The following ZNG1B variants were observed in gnomAD, a reference collection of about 807,000 sequenced individuals.
The protein encoded by ZNG1B is zinc-regulated GTPase metalloprotein activator 1B.
At chr2:113,451,019 C>T in the ZNG1B span, among the ~76,000 whole-genome samples, 7 of 152,100 alleles carry the variant, frequency 4.6e-5, no homozygotes, top group Non-Finnish European at 8.8e-5. Flanking sequence ...GGACATCATT[C>T]GACCTCAGAC....
chr2:113,457,490 GT>G, the ZNG1B span, among the ~76,000 whole-genome samples: 1 of 137,990 alleles, frequency 7.2e-6, no homozygotes, highest in East Asian at 2.3e-4. Context: ...TTTTAAGATA[GT>G]TTTTTCTTTT....
chr2:113,467,227 G>C, the ZNG1B span, among the ~76,000 whole-genome samples: 1 of 140,550 alleles, frequency 7.1e-6, no homozygotes, highest in African/African-American at 2.7e-5. Flanking sequence ...TGTAGAAAAA[G>C]GCTCACCTTG....
chr2:113,477,860 A>C, the ZNG1B span, among the ~76,000 whole-genome samples: 1 of 149,874 alleles, frequency 6.7e-6, no homozygotes, highest in African/African-American at 2.5e-5. Context: ...ACCATTCTAC[A>C]CTCTTTCTGT....
chr2:113,437,701 G>A, the ZNG1B span: 1 of 1,502,660 alleles, frequency 6.7e-7, no homozygotes, highest in Non-Finnish European at 9.0e-7. Flanking sequence ...AAGGGACGAG[G>A]CGCTTCTCGT....
the ZNG1B span, among the ~76,000 whole-genome samples, chr2:113,477,341 C>A: frequency 6.6e-6 from 1 of 152,218 alleles, no homozygotes; most frequent in African/African-American, 2.4e-5. Context: ...ACCCCCTGCG[C>A]TTCCCAAGTG....
chr2:113,495,879 A>G, the ZNG1B span: 1 of 805,504 alleles, frequency 1.2e-6, no homozygotes, highest in Non-Finnish European at 1.8e-6. Context: ...CAGCATACAT[A>G]AAATGTAGCA....
At chr2:113,486,979 A>G in the ZNG1B span, among the ~76,000 whole-genome samples, 1 of 131,320 alleles carries the variant, frequency 7.6e-6, no homozygotes, top group Non-Finnish European at 1.6e-5. Flanking sequence ...TAATGAAGAA[A>G]TAAAATAATT....
chr2:113,453,523 G>A, the ZNG1B span, among the ~76,000 whole-genome samples: 2 of 151,140 alleles, frequency 1.3e-5, no homozygotes, highest in Admixed American at 6.6e-5. Flanking sequence ...AAAGTGCTGG[G>A]ATTACAGGCG....
the ZNG1B span, chr2:113,437,768 G>A: frequency 1.8e-5 from 28 of 1,535,320 alleles, no homozygotes; most frequent in South Asian, 2.3e-5. Flanking sequence ...ATGACGTCAG[G>A]CCCCGGGCAG....
the ZNG1B span, among the ~76,000 whole-genome samples, chr2:113,440,489 C>A: frequency 6.6e-6 from 1 of 152,004 alleles, no homozygotes; most frequent in East Asian, 1.9e-4. Flanking sequence ...CCATTCTATA[C>A]TTCATATTTT....
the ZNG1B span, chr2:113,444,289 A>G: frequency 4.6e-6 from 1 of 217,164 alleles, no homozygotes; most frequent in Non-Finnish European, 9.3e-6. Flanking sequence ...AGTCTACCAT[A>G]GACCCTAGAA....
the ZNG1B span, among the ~76,000 whole-genome samples, chr2:113,475,848 C>T: frequency 6.6e-6 from 1 of 152,150 alleles, no homozygotes; most frequent in Non-Finnish European, 1.5e-5. Flanking sequence ...AGAGTTTCTG[C>T]CAAGAGATCC....
chr2:113,466,543 A>G, the ZNG1B span: 4 of 974,952 alleles, frequency 4.1e-6, no homozygotes, highest in South Asian at 1.9e-4. Context: ...GCAAGTGACT[A>G]AAATCTTCCG....
At chr2:113,488,472 C>CA in the ZNG1B span, among the ~76,000 whole-genome samples, 2 of 151,944 alleles carry the variant, frequency 1.3e-5, no homozygotes, top group African/African-American at 2.4e-5. Context: ...TAACACCCCC[C>CA]AAAAAATCAC....
At chr2:113,440,046 G>A in the ZNG1B span, among the ~76,000 whole-genome samples, 2 of 150,430 alleles carry the variant, frequency 1.3e-5, no homozygotes, top group Non-Finnish European at 3.0e-5. Context: ...CACTACGCCC[G>A]GCTAATTTTT....
chr2:113,463,676 A>G, the ZNG1B span, among the ~76,000 whole-genome samples: 2 of 151,854 alleles, frequency 1.3e-5, no homozygotes, highest in Non-Finnish European at 2.9e-5. Context: ...CTTCTTAGGG[A>G]GCTTATTTAC....
the ZNG1B span, among the ~76,000 whole-genome samples, chr2:113,452,670 AT>A: frequency 8.6e-6 from 1 of 115,818 alleles, no homozygotes; most frequent in Non-Finnish European, 1.8e-5. Flanking sequence ...TTACAAGTAA[AT>A]TTTTTTTGGG....
the ZNG1B span, among the ~76,000 whole-genome samples, chr2:113,474,299 T>C: frequency 1.3e-5 from 2 of 150,366 alleles, no homozygotes; most frequent in Admixed American, 6.6e-5. Context: ...TATTCTCTGA[T>C]GGTAGTTTGT....
At chr2:113,473,630 A>C in the ZNG1B span, among the ~76,000 whole-genome samples, 2 of 150,520 alleles carry the variant, frequency 1.3e-5, no homozygotes, top group Non-Finnish European at 3.0e-5. Context: ...GGTTTGTCAT[A>C]GATAGCTCTT....
Sources: allele counts gnomAD v4.1 joint callset (sites outside exome capture counted in the v4.1 genomes callset), GRCh38; gene constraint gnomAD v4.1.1; transcripts MANE v1.5; gene names NCBI Gene and HGNC (gene_info 2026-07-23, HGNC 2026-07-21).